The following SYN3 variants were observed in gnomAD, a reference collection of about 807,000 sequenced individuals.
SYN3 encodes the protein synapsin-3.
Under a neutral mutation model 65.8 loss-of-function variants are expected in SYN3, and 35 were observed. The observed-to-expected ratio is 0.53, with a 90% confidence interval of 0.41 to 0.70. SYN3 has a LOEUF of 0.70. SYN3 is among the 30% of genes least tolerant of loss of function. The pLI is 0.00. For synonymous variants in SYN3, 270 were observed against 292.9 expected (o/e 0.92, Z 0.80); for missense variants, 680 against 749.0 (o/e 0.91, Z 1.08).
chr22:32,565,657 C>T (rs2146381782), intron 7 of SYN3, among the ~76,000 whole-genome samples: 1 of 150,890 alleles, frequency 6.6e-6, no homozygotes, highest in South Asian at 2.1e-4. Context: ...GCTAGGACTA[C>T]AGGCATGCAC....
At chr22:32,758,432 C>A (rs1015341770) in intron 6 of SYN3, among the ~76,000 whole-genome samples, 1 of 151,324 alleles carries the variant, frequency 6.6e-6, no homozygotes, top group South Asian at 2.1e-4. Context: ...ACAGACCCAC[C>A]CTTAATCTGG....
chr22:32,683,306 C>T (rs2060548359), intron 6 of SYN3, among the ~76,000 whole-genome samples: 1 of 152,088 alleles, frequency 6.6e-6, no homozygotes, highest in African/African-American at 2.4e-5. Flanking sequence ...TTCCCCCTTC[C>T]TGGGGTAGGT....
At chr22:32,672,019 T>C (rs2060378497) in intron 6 of SYN3, among the ~76,000 whole-genome samples, 1 of 152,248 alleles carries the variant, frequency 6.6e-6, no homozygotes, top group Non-Finnish European at 1.5e-5. Context: ...CCCTAAATTC[T>C]GGAGAGCAGC....
intron 6 of SYN3, among the ~76,000 whole-genome samples, chr22:32,832,863 G>C (rs2047618029): frequency 1.3e-5 from 2 of 151,962 alleles, no homozygotes; most frequent in South Asian, 4.2e-4. Context: ...AAGTAGCTGG[G>C]ACTACAGGTA....
intron 12 of SYN3, 42 bp downstream of exon 12, chr22:32,527,876 C>T: frequency 6.6e-7 from 1 of 1,525,224 alleles, no homozygotes; most frequent in Non-Finnish European, 8.9e-7. Context: ...TTTCAGCACC[C>T]TCACTGCATG....
intron 5 of SYN3, 124 bp from the exon 6 acceptor site, chr22:32,865,128 C>T (rs2048656721): frequency 2.7e-6 from 2 of 729,156 alleles, no homozygotes; most frequent in Non-Finnish European, 4.9e-6. Context: ...TGCTATCCTA[C>T]CCTGCCTATA....
intron 1 of SYN3, among the ~76,000 whole-genome samples, chr22:33,035,565 T>C (rs55851829): frequency 0.19 from 29,592 of 152,074 alleles, 3,188 homozygotes; most frequent in East Asian, 0.42. Flanking sequence ...ACTTTAGGTC[T>C]ACGATCTAAA....
At chr22:32,726,191 G>A (rs2061189105) in intron 6 of SYN3, among the ~76,000 whole-genome samples, 1 of 151,384 alleles carries the variant, frequency 6.6e-6, no homozygotes, top group Non-Finnish European at 1.5e-5. Flanking sequence ...TCACCAGGCT[G>A]GAGTGCAGTG....
At chr22:32,523,234 C>T (rs1034895234) in intron 12 of SYN3, among the ~76,000 whole-genome samples, 18 of 152,208 alleles carry the variant, frequency 1.2e-4, no homozygotes, top group Admixed American at 5.9e-4. Context: ...GTGAACTGGC[C>T]GGGCGTGGTG....
chr22:32,822,015 C>A (rs974088114), intron 6 of SYN3, among the ~76,000 whole-genome samples: 1 of 151,962 alleles, frequency 6.6e-6, no homozygotes, highest in Non-Finnish European at 1.5e-5. Context: ...ATTAGCCGGG[C>A]GTGGTGGCGC....
intron 7 of SYN3, among the ~76,000 whole-genome samples, chr22:32,577,403 T>C (rs2058867656): frequency 1.3e-5 from 2 of 152,230 alleles, no homozygotes; most frequent in Admixed American, 6.5e-5. Context: ...AATCATTTGC[T>C]TGCATGGCTA....
chr22:32,725,031 C>T (rs970973424), intron 6 of SYN3, among the ~76,000 whole-genome samples: 2 of 152,076 alleles, frequency 1.3e-5, no homozygotes, highest in African/African-American at 4.8e-5. Context: ...GAGGCAGGAT[C>T]GTTTGAATCT....
chr22:32,939,990 GCT>G (rs1356381774), intron 3 of SYN3, among the ~76,000 whole-genome samples: 1 of 152,156 alleles, frequency 6.6e-6, no homozygotes, highest in African/African-American at 2.4e-5. Context: ...AATTACAGTT[GCT>G]CTGTGTCTTT....
intron 2 of SYN3, among the ~76,000 whole-genome samples, chr22:32,981,363 A>G (rs758903950): frequency 4.0e-4 from 61 of 151,360 alleles, no homozygotes; most frequent in Non-Finnish European, 8.0e-4. Context: ...AGGCAGGTGG[A>G]TTGCCTGAGG....
chr22:33,012,501 A>G (rs566205007), intron 1 of SYN3, among the ~76,000 whole-genome samples: 1 of 152,316 alleles, frequency 6.6e-6, no homozygotes, highest in Admixed American at 6.5e-5. Context: ...ATGCTCTACA[A>G]ATATTACTTA....
intron 7 of SYN3, among the ~76,000 whole-genome samples, chr22:32,569,537 ATCTCTCTCTCTCTCTCTC>A (rs142418236): frequency 9.2e-4 from 104 of 113,536 alleles, no homozygotes; most frequent in Non-Finnish European, 1.5e-3. Flanking sequence ...AAATCAATCA[ATCTCTCTCTCTCTCTCTC>A]TCTCTCTCTC....
rs35754653 is a variant in SYN3, at chr22:32,704,341, GT to G, written c.712-107606del. Among the ~76,000 whole-genome samples, 569 of 152,208 alleles carry G rather than the reference GT, an allele frequency of 3.7e-3. 2 individuals are homozygous for G. The highest frequency in any genetic ancestry group is 0.024 in the Middle Eastern group (7 of 294). The stretch of plus-strand genomic sequence containing the variant: ...TATTTGGTTTTCTGTTCCTGCATTA[GT>G]TTGCTAAAGATAATGGCCTCCAGCT... On this transcript the variant is annotated intron_variant, in intron 6 of 13. Coordinates refer to ENST00000358763, the MANE Select transcript of SYN3 (RefSeq NM_003490.4).
At chr22:32,846,175 G>T (rs241890) in intron 6 of SYN3, among the ~76,000 whole-genome samples, 37,221 of 152,146 alleles carry the variant, frequency 0.24, 5,300 homozygotes, top group East Asian at 0.48. Flanking sequence ...TTGTTTGGCT[G>T]GTCTTAGTAG....
chr22:32,852,370 T>G (rs2048244142), intron 6 of SYN3, among the ~76,000 whole-genome samples: 1 of 152,110 alleles, frequency 6.6e-6, no homozygotes, highest in Admixed American at 6.5e-5. Context: ...CAGTTTGGGT[T>G]TGTTGGTTTA....
Sources: gnomAD v4.1 joint callset for allele counts (sites outside exome capture counted in the v4.1 genomes callset) on GRCh38, gnomAD v4.1.1 for gene constraint, MANE v1.5 for transcripts, NCBI Gene and HGNC (gene_info 2026-07-23, HGNC 2026-07-21) for gene names.